The following ABCD2 variants were observed in gnomAD, a reference collection of about 807,000 sequenced individuals.
ABCD2 encodes ATP binding cassette subfamily D member 2, also known as ATP-binding cassette sub-family D member 2.
ABCD2 carries 36 observed loss-of-function variants against 70.9 expected under a neutral mutation model. That is an observed-to-expected ratio of 0.51 (90% CI 0.39 to 0.67). The LOEUF (loss-of-function observed/expected upper bound fraction) is 0.67, where lower values mean the gene tolerates loss of function less well. Among genes scored for constraint, ABCD2 ranks in the 30% least tolerant of loss-of-function variants. ABCD2 has a pLI of 0.00. For synonymous variants in ABCD2, 304 were observed against 306.9 expected (o/e 0.99, Z 0.10); for missense variants, 729 against 890.2 (o/e 0.82, Z 2.30).
chr12:39,604,080 G>GTA (rs1941938219), intron 4 of ABCD2, 74 bp from the exon 5 acceptor site: 1 of 932,330 alleles, frequency 1.1e-6, no homozygotes, highest in African/African-American at 1.7e-5. Flanking sequence ...TTATTATGCA[G>GTA]TATAACAGGT....
the ABCD2 span, among the ~76,000 whole-genome samples, chr12:39,541,845 T>C: frequency 7.2e-5 from 11 of 152,244 alleles, no homozygotes; most frequent in African/African-American, 2.2e-4. Flanking sequence ...CACTACAACA[T>C]TAATGAACTT....
chr12:39,564,085 CAT>C (rs1269340012), intron 9 of ABCD2, among the ~76,000 whole-genome samples: 1 of 152,142 alleles, frequency 6.6e-6, no homozygotes, highest in Non-Finnish European at 1.5e-5. Flanking sequence ...CCACAATAAA[CAT>C]ATGTGTGCAT....
Position 39,553,880 on chromosome 12 carries a change from A to G in ABCD2, c.*32T>C, listed in dbSNP as rs777409005. On this transcript the variant is annotated 3_prime_UTR_variant, in exon 10 of 10. Transcript: ENST00000308666. ...ACAGAATGTCTTTGAGCCTTTATCT[A>G]ATAATTAACTTTTAAAATATGTCAA... is the stretch of plus-strand genomic sequence containing the variant. 4 of 1,491,498 alleles carry G rather than the reference A, an allele frequency of 2.7e-6. No homozygotes were observed. Among genetic ancestry groups the G allele is most frequent in the South Asian group, 1.2e-5 (1 of 84,730 alleles). The allele number at this position is 1,491,498 out of a possible 1,614,324, so 92.4% of individuals were successfully genotyped here. A position where few individuals can be genotyped will look rare whatever the true frequency, so the allele number is the denominator to read the frequency against.
chr12:39,586,009 C>A, intron 7 of ABCD2, 143 bp downstream of exon 7: 3 of 676,362 alleles, frequency 4.4e-6, no homozygotes, highest in South Asian at 6.2e-5. Flanking sequence ...AATAATGGAA[C>A]AGCAATAAAA....
At chr12:39,617,220 A>C (rs1043171150) in intron 1 of ABCD2, 52 bp from the exon 2 acceptor site, 1 of 1,195,834 alleles carries the variant, frequency 8.4e-7, no homozygotes, top group Admixed American at 3.1e-5. Flanking sequence ...TATACATATT[A>C]TTCTTTTTTT....
chr12:39,603,454 T>C (rs1305810688), intron 5 of ABCD2, among the ~76,000 whole-genome samples: 3 of 152,100 alleles, frequency 2.0e-5, no homozygotes, highest in South Asian at 2.1e-4. Context: ...ATAAATCTTC[T>C]GATTATTTTA....
At chr12:39,540,718 A>G in the ABCD2 span, among the ~76,000 whole-genome samples, 6 of 152,372 alleles carry the variant, frequency 3.9e-5, no homozygotes, top group Middle Eastern at 3.4e-3. Context: ...TTTCCTTTCT[A>G]TGATCCCAGG....
intron 3 of ABCD2, among the ~76,000 whole-genome samples, chr12:39,605,615 T>C (rs1224391729): frequency 6.6e-6 from 1 of 152,154 alleles, no homozygotes; most frequent in Admixed American, 6.5e-5. Flanking sequence ...GCCTTGTTCC[T>C]ATTCTCTCAG....
chr12:39,614,413 C>T (rs1942087695), intron 2 of ABCD2, among the ~76,000 whole-genome samples: 1 of 152,094 alleles, frequency 6.6e-6, no homozygotes, highest in Non-Finnish European at 1.5e-5. Context: ...ATGTAACTTT[C>T]CCAGGAAAGG....
intron 1 of ABCD2, 53 bp from the exon 2 acceptor site, chr12:39,617,221 TTC>T: frequency 8.3e-7 from 1 of 1,205,976 alleles, no homozygotes; most frequent in Non-Finnish European, 1.1e-6. Context: ...ATACATATTA[TTC>T]TTTTTTTTTT....
chr12:39,601,614 G>A (rs1040234937), intron 5 of ABCD2, among the ~76,000 whole-genome samples: 1 of 151,852 alleles, frequency 6.6e-6, no homozygotes, highest in Non-Finnish European at 1.5e-5. Flanking sequence ...TCTACCAAGA[G>A]CAAATGAAAT....
At position 39,619,126 on chromosome 12, in the gene ABCD2, T is replaced by A. The variant is rs531465164; in HGVS notation, c.490A>T (p.Ile164Leu). The A allele has an allele frequency of 6.2e-7, 1 of 1,614,240 alleles. No homozygotes were observed. Among genetic ancestry groups the A allele is most frequent in the African/African-American group, 1.3e-5 (1 of 75,066 alleles). ...GCCAATTTGCATTCCAGGTACCTTA[T>A]TGCACTGTTGACGAAGGTAGCAGGG... ...AIPATFVNSA[I>L]RYLECKLALA... is the part of the protein sequence containing the mutation. Residue 164 changes from isoleucine to leucine, a missense_variant, in exon 1 of 10, where the codon ATA (isoleucine) becomes TTA (leucine). This residue lies in a region of ABCD2 where 245 missense variants were observed against 261.2 expected (regional missense o/e 0.94). Transcript: ENST00000308666.
intron 9 of ABCD2, among the ~76,000 whole-genome samples, chr12:39,572,671 G>A (rs927759951): frequency 4.6e-5 from 7 of 152,062 alleles, no homozygotes; most frequent in African/African-American, 1.4e-4. Context: ...GTCTAGAAGG[G>A]CTTCAAGGAT....
intron 9 of ABCD2, among the ~76,000 whole-genome samples, chr12:39,567,081 G>A (rs1941362103): frequency 6.6e-6 from 1 of 152,218 alleles, no homozygotes; most frequent in Non-Finnish European, 1.5e-5. Flanking sequence ...TAGGTGTGGT[G>A]TGGTGCTTAG....
chr12:39,598,186 T>G (rs1020451598), intron 6 of ABCD2, among the ~76,000 whole-genome samples: 3 of 152,198 alleles, frequency 2.0e-5, no homozygotes, highest in Admixed American at 6.5e-5. Context: ...AAGTAACAAT[T>G]AATGTACATT....
intron 9 of ABCD2, among the ~76,000 whole-genome samples, chr12:39,571,829 C>G (rs1941452612): frequency 6.6e-6 from 1 of 152,118 alleles, no homozygotes; most frequent in African/African-American, 2.4e-5. Flanking sequence ...CTTCTTCAGA[C>G]TCTAGTATTG....
At chr12:39,586,407 C>G in intron 6 of ABCD2, 110 bp from the exon 7 acceptor site, 1 of 1,080,022 alleles carries the variant, frequency 9.3e-7, no homozygotes, top group South Asian at 1.9e-5. Flanking sequence ...CACTACATTT[C>G]CAGGATGATA....
At chr12:39,535,821 T>C in the ABCD2 span, among the ~76,000 whole-genome samples, 10 of 152,216 alleles carry the variant, frequency 6.6e-5, no homozygotes, top group African/African-American at 2.2e-4. Context: ...CTACATGCTA[T>C]TGAAAGTATA....
the ABCD2 span, among the ~76,000 whole-genome samples, chr12:39,542,001 T>C: frequency 3.3e-5 from 5 of 152,088 alleles, no homozygotes; most frequent in South Asian, 1.0e-3. Flanking sequence ...GGCTGGTAAT[T>C]AAAAGGAAAG....
Sources: allele counts gnomAD v4.1 joint callset (sites outside exome capture counted in the v4.1 genomes callset), GRCh38; gene constraint gnomAD v4.1.1; regional missense constraint gnomAD v4.1.1; transcripts MANE v1.5; gene names NCBI Gene and HGNC (gene_info 2026-07-23, HGNC 2026-07-21).